Variants in BMP3 observed in about 807,000 individuals in gnomAD.
BMP3 encodes the protein bone morphogenetic protein 3 (osteogenic).
Under a neutral mutation model 38.1 loss-of-function variants are expected in BMP3, and 23 were observed. The observed-to-expected ratio is 0.60, with a 90% CI of 0.43 to 0.86. BMP3 has a LOEUF of 0.86. BMP3 is among the 40% of genes least tolerant of loss of function. BMP3 has a pLI of 0.00. For synonymous variants in BMP3, 258 were observed against 225.7 expected (o/e 1.14, Z -1.28); for missense variants, 628 against 579.6 (o/e 1.08, Z -0.86).
chr4:81,031,884 G>A (rs1388073915), intron 1 of BMP3, among the ~76,000 whole-genome samples: 4 of 152,108 alleles, frequency 2.6e-5, no homozygotes, highest in Admixed American at 6.5e-5. Context: ...AAAAGGGAAG[G>A]GGCGACACCC....
At position 81,053,429 on chromosome 4, in the gene BMP3, G is replaced by T. The variant is rs1223264636; in HGVS notation, c.1312G>T (p.Val438Leu). Residue 438 changes from valine (V) to leucine (L), a missense_variant, in exon 3 of 3, where the codon GTA becomes TTA. Physicochemically the swap from Val to Leu is conservative, Grantham distance 32. Transcript: ENST00000282701. The part of the protein sequence containing the change: ...VVPGIPEPCC[V>L]PEKMSSLSIL... ...TCCTGGGATTCCTGAGCCTTGCTGT[G>T]TACCAGAAAAGATGTCCTCACTCAG... is the stretch of plus-strand genomic sequence containing the variant. 2 of 1,611,728 alleles carry T rather than the reference G, an allele frequency of 1.2e-6. No individual in the cohort carries two copies. The highest frequency in any genetic ancestry group is 2.2e-5 in the South Asian group (2 of 90,704).
Position 81,054,215 on chromosome 4 carries a change from C to A in BMP3, c.*679C>A, listed in dbSNP as rs1023036043. On this transcript the variant is annotated 3_prime_UTR_variant, in exon 3 of 3. Coordinates refer to ENST00000282701, the MANE Select transcript of BMP3 (RefSeq NM_001201.5). The stretch of plus-strand genomic sequence containing the variant: ...TTTTAATTTTGTATTTTGGCAAACA[C>A]CATTCAGTTATAAGAACTTTGCCAA... The A allele has an allele frequency of 6.6e-6, 1 of 152,384 alleles. No individual in the cohort carries two copies. The highest frequency in any genetic ancestry group is 2.4e-5 in the African/African-American group (1 of 41,352). 9.4% of individuals were successfully genotyped at this position (152,384 alleles called of 1,614,324 possible). A position where few individuals can be genotyped will look rare whatever the true frequency, so the allele number is the denominator to read the frequency against.
At chr4:81,046,725 T>C (rs1169600426) in intron 2 of BMP3, 77 bp downstream of exon 2, 4 of 1,478,470 alleles carry the variant, frequency 2.7e-6, no homozygotes, top group Non-Finnish European at 3.6e-6. Flanking sequence ...TTAGTGTGCA[T>C]ATAGGGGGTT....
intron 1 of BMP3, among the ~76,000 whole-genome samples, chr4:81,039,035 TG>T (rs141960025): frequency 0.16 from 23,730 of 152,262 alleles, 2,636 homozygotes; most frequent in Non-Finnish European, 0.23. Flanking sequence ...GTCATTTGAC[TG>T]GGACTATGAA....
chr4:81,044,916 A>G (rs572213041), intron 1 of BMP3, among the ~76,000 whole-genome samples: 1 of 152,358 alleles, frequency 6.6e-6, no homozygotes, highest in South Asian at 2.1e-4. Flanking sequence ...TATTGTGACT[A>G]GTGCTGCTAT....
chr4:81,049,557 G>A (rs1483537878), intron 2 of BMP3, among the ~76,000 whole-genome samples: 1 of 152,172 alleles, frequency 6.6e-6, no homozygotes. Flanking sequence ...AAGTTTGGCT[G>A]TTACATAGAG....
chr4:81,036,416 C>G (rs1739926683), intron 1 of BMP3, among the ~76,000 whole-genome samples: 1 of 151,924 alleles, frequency 6.6e-6, no homozygotes, highest in African/African-American at 2.4e-5. Context: ...TATATATTTT[C>G]TTTTGGCTAG....
rs764734113 is a variant in BMP3 at position 81,031,523 on chromosome 4, A to C, written c.239A>C (p.Glu80Ala). 8 of 1,612,070 alleles carry C rather than the reference A, an allele frequency of 5.0e-6. No individual in the cohort carries two copies. The East Asian group carries it at 1.6e-4, about 32-fold the overall frequency. ...GCGGCCCGGACACCGGGCTCCCTGG[A>C]GGGAGGCTCGCAGCCCTGGCGCCCT... Reference protein sequence around the residue: ...VQAARTPGSLEGGSQPWRPRL... With the variant: ...VQAARTPGSLAGGSQPWRPRL... The change falls in exon 1 of 3, where the codon GAG (glutamate) becomes GCG (alanine). Residue 80 changes from glutamate to alanine, a missense_variant. Transcript: ENST00000282701.
intron 1 of BMP3, among the ~76,000 whole-genome samples, chr4:81,036,767 A>G (rs1343003480): frequency 6.6e-6 from 1 of 152,052 alleles, no homozygotes; most frequent in Non-Finnish European, 1.5e-5. Context: ...GCTTTCATAT[A>G]TGGAATATAT....
intron 1 of BMP3, among the ~76,000 whole-genome samples, chr4:81,037,560 A>G (rs1739955315): frequency 6.6e-6 from 1 of 152,146 alleles, no homozygotes; most frequent in Admixed American, 6.5e-5. Flanking sequence ...AAGTGAATGC[A>G]AAGATGCTTT....
intron 2 of BMP3, 121 bp from the exon 3 acceptor site, chr4:81,053,224 C>A: frequency 4.4e-6 from 3 of 688,914 alleles, no homozygotes; most frequent in Non-Finnish European, 6.7e-6. Flanking sequence ...ATAATGATGC[C>A]AGAGGTTTTA....
In BMP3 at chr4:81,057,108, G is replaced by A. The variant is rs1049668674; in HGVS notation, c.*3572G>A. 1.3e-5 allele frequency: 2 copies of A among 152,304 alleles called. No homozygotes were observed. Among genetic ancestry groups the A allele is most frequent in the African/African-American group, 2.4e-5 (1 of 41,394 alleles). 9.4% of individuals were successfully genotyped at this position (152,304 alleles called of 1,614,324 possible). ...AGTTGTATTTTAATGTAGTTTATAAGTGATAAAATGATCCTTGTTTTCTAA... is the reference window on the plus strand; with the variant it reads ...AGTTGTATTTTAATGTAGTTTATAAATGATAAAATGATCCTTGTTTTCTAA... On this transcript the variant is annotated 3_prime_UTR_variant, in exon 3 of 3. Transcript: ENST00000282701.
intron 1 of BMP3, among the ~76,000 whole-genome samples, chr4:81,042,238 A>G (rs1308625026): frequency 1.3e-5 from 2 of 152,228 alleles, no homozygotes; most frequent in African/African-American, 4.8e-5. Context: ...TATGTATTTT[A>G]TACTTACAGC....
chr4:81,040,040 G>T (rs549709980), intron 1 of BMP3, among the ~76,000 whole-genome samples: 11 of 152,270 alleles, frequency 7.2e-5, no homozygotes, highest in Non-Finnish European at 1.5e-4. Flanking sequence ...AGCAACAGGT[G>T]CAAAGTCCCA....
intron 1 of BMP3, among the ~76,000 whole-genome samples, chr4:81,039,346 T>C (rs1740004969): frequency 6.6e-6 from 1 of 152,192 alleles, no homozygotes; most frequent in African/African-American, 2.4e-5. Flanking sequence ...CATCAAGATT[T>C]CATTTAGTCT....
intron 2 of BMP3, among the ~76,000 whole-genome samples, chr4:81,049,224 T>C: frequency 6.6e-6 from 1 of 152,186 alleles, no homozygotes; most frequent in East Asian, 1.9e-4. Flanking sequence ...CGTAGGACTC[T>C]GAAGAAAGAC....
intron 1 of BMP3, among the ~76,000 whole-genome samples, chr4:81,041,151 G>C (rs146179675): frequency 7.6e-4 from 115 of 152,252 alleles, no homozygotes; most frequent in African/African-American, 2.6e-3. Context: ...AAAAGTAAAA[G>C]AGCATGAAAG....
chr4:81,053,703 G>C lies in BMP3; in HGVS notation c.*167G>C. 2.4e-6 allele frequency: 1 copy of C among 421,960 alleles called. No homozygotes were observed. Among genetic ancestry groups the C allele is most frequent in the Non-Finnish European group, 3.9e-6 (1 of 254,496 alleles). The allele number at this position is 421,960 out of a possible 1,614,324, so 26.1% of individuals were successfully genotyped here. On this transcript the variant is annotated 3_prime_UTR_variant, in exon 3 of 3. Coordinates refer to ENST00000282701, the MANE Select transcript of BMP3 (RefSeq NM_001201.5). ...CAAATAGACTGAAGATTGCCACCAA[G>C]GAAAAGAACTGTATTTGTTTCTGAA...
chr4:81,038,356 G>A (rs1578294725), intron 1 of BMP3, among the ~76,000 whole-genome samples: 2 of 152,150 alleles, frequency 1.3e-5, no homozygotes, highest in African/African-American at 4.8e-5. Context: ...GCAAGTCCCT[G>A]GAGGACATGG....
Sources: allele counts gnomAD v4.1 joint callset (sites outside exome capture counted in the v4.1 genomes callset), GRCh38; gene constraint gnomAD v4.1.1; transcripts MANE v1.5; gene names NCBI Gene and HGNC (gene_info 2026-07-23, HGNC 2026-07-21).